Variants in HERC1 observed in about 807,000 individuals in gnomAD.
HERC1 encodes the protein HECT and RLD domain containing E3 ubiquitin protein ligase family member 1.
HERC1 carries 160 observed loss-of-function variants against 554.3 expected under a neutral mutation model. The observed-to-expected ratio is 0.29, with a 90% confidence interval of 0.25 to 0.33. The LOEUF is 0.33. HERC1 is among the 10% of genes least tolerant of loss of function. The probability of loss-of-function intolerance (pLI) is 1.00; values close to 1 mark genes in which losing one functional copy is unlikely to be tolerated. For synonymous variants in HERC1, 2,175 were observed against 2,131.7 expected (o/e 1.02, Z -0.56); for missense variants, 4,919 against 5,918.5 (o/e 0.83, Z 5.54).
At position 63,662,003 on chromosome 15, in the gene HERC1, C is replaced by G. The variant is rs1286639413; in HGVS notation, c.8920G>C (p.Asp2974His). The change falls in exon 45 of 78, where the codon GAC becomes CAC. Residue 2974 changes from aspartate to histidine, a missense_variant. Asp to His is a moderately conservative substitution (Grantham distance 81). Around this residue, in one of 11 missense-constraint regions of HERC1, gnomAD observed 1,963 missense variants for 2,228.6 expected, o/e 0.88. Transcript: ENST00000443617. The part of the protein sequence containing the change: ...WPTWHVCESE[D>H]REEVVVCELC... Reference sequence around the variant, plus strand: ...TCACACACCACCACTTCTTCCCTGTCTTCAGACTCACAAACATGCTGCACA... The same window carrying G: ...TCACACACCACCACTTCTTCCCTGTGTTCAGACTCACAAACATGCTGCACA... 6.2e-7 allele frequency: 1 copy of G among 1,612,592 alleles called. No homozygotes were observed.
Position 63,753,070 on chromosome 15 carries a change from C to G in HERC1, c.1790G>C (p.Gly597Ala), listed in dbSNP as rs1385219278. Residue 597 changes from glycine to alanine, a missense_variant, in exon 8 of 78, where the codon GGT (glycine) becomes GCT (alanine). By Grantham distance (60) the Gly-to-Ala change is moderately conservative. Transcript: ENST00000443617. The stretch of plus-strand genomic sequence containing the variant: ...AGGTTTATACACTCTGTTGGTATCA[C>G]CATGACCAAGTTTACCTATAAAAAC... ...GGGDNGKLGH[G>A]DTNRVYKPKV... is the part of the protein sequence containing the mutation. The G allele has an allele frequency of 1.9e-6, 3 of 1,599,112 alleles. No individual in the cohort carries two copies. Among genetic ancestry groups the G allele is most frequent in the Non-Finnish European group, 1.7e-6 (2 of 1,172,854 alleles).
intron 1 of HERC1, among the ~76,000 whole-genome samples, chr15:63,803,590 A>C (rs911985235): frequency 2.9e-4 from 44 of 152,180 alleles, no homozygotes; most frequent in Admixed American, 2.4e-3. Context: ...GCCCAGCCCC[A>C]TACTAACTTT....
In HERC1 at chr15:63,652,522, C is replaced by A; in HGVS notation, c.10310G>T (p.Cys3437Phe). The change falls in exon 52 of 78, where the codon TGT becomes TTT. Residue 3437 changes from cysteine to phenylalanine, a missense_variant. This residue lies in a region of HERC1 where 1,963 missense variants were observed against 2,228.6 expected (regional missense o/e 0.88). Coordinates refer to ENST00000443617, the MANE Select transcript of HERC1 (RefSeq NM_003922.4). ...TGTAGCCAAAAGACCTTTTTTATTA[C>A]ACCAAACACATGTCATTACCTAGAA... ...HQNRVMTCVWCNKKGLLATSG... is the reference protein window; with the variant it reads ...HQNRVMTCVWFNKKGLLATSG... The A allele has an allele frequency of 6.3e-7, 1 of 1,597,232 alleles. No individual in the cohort carries two copies. The highest frequency in any genetic ancestry group is 8.5e-7 in the Non-Finnish European group (1 of 1,170,356).
intron 1 of HERC1, among the ~76,000 whole-genome samples, chr15:63,824,487 T>C (rs576476729): frequency 6.8e-6 from 1 of 146,442 alleles, no homozygotes; most frequent in Non-Finnish European, 1.5e-5. Context: ...TGAGCTGAGA[T>C]CATGCCACTG....
intron 12 of HERC1, among the ~76,000 whole-genome samples, chr15:63,739,831 C>G (rs894827185): frequency 2.0e-5 from 3 of 152,124 alleles, no homozygotes; most frequent in Non-Finnish European, 2.9e-5. Flanking sequence ...GAGCAAGACT[C>G]TGTCAAACAA....
At chr15:63,821,809 C>T (rs1457583298) in intron 1 of HERC1, among the ~76,000 whole-genome samples, 6 of 151,738 alleles carry the variant, frequency 4.0e-5, no homozygotes, top group Admixed American at 1.3e-4. Flanking sequence ...GAGTTGTACT[C>T]CTAGTTTACC....
intron 70 of HERC1, among the ~76,000 whole-genome samples, chr15:63,627,365 C>T (rs960101625): frequency 6.6e-6 from 1 of 152,086 alleles, no homozygotes; most frequent in Non-Finnish European, 1.5e-5. Flanking sequence ...GGTAGAAAGA[C>T]AAGGCTTGAG....
In HERC1 at chr15:63,663,028, T is replaced by C. The variant is rs766207602; in HGVS notation, c.8857A>G (p.Ile2953Val). The C allele has an allele frequency of 6.8e-6, 11 of 1,613,900 alleles. No individual in the cohort carries two copies. Among genetic ancestry groups the C allele is most frequent in the African/African-American group, 1.3e-5 (1 of 74,918 alleles). ...FGQDLTSDND[I>V]LGMWIPEVLD... ...ACCTCTGGGATCCACATTCCCAGAA[T>C]ATCATTGTCACTGGTCAGGTCTTGT... is the stretch of plus-strand genomic sequence containing the variant. Residue 2953 changes from isoleucine (I) to valine (V), a missense_variant, in exon 44 of 78, where the codon ATT becomes GTT. Transcript: ENST00000443617.
Position 63,638,402 on chromosome 15 carries a change from G to C in HERC1, c.12093+9C>G, listed in dbSNP as rs771955359. ...ATGTTTCTTTTCTATTTTTTATCCT[G>C]TTAGTTACCTGTTGGGCCTGTGAGA... On this transcript the variant is annotated intron_variant, in intron 63 of 77. Transcript: ENST00000443617. 3 of 1,610,270 alleles carry C rather than the reference G, an allele frequency of 1.9e-6. No homozygotes were observed. The highest frequency in any genetic ancestry group is 1.1e-5 in the South Asian group (1 of 90,480).
At position 63,718,561 on chromosome 15, in the gene HERC1, T is replaced by C; in HGVS notation, c.3978+13A>G. 1 of 1,541,958 alleles carries C rather than the reference T, an allele frequency of 6.5e-7. No individual in the cohort carries two copies. Among genetic ancestry groups the C allele is most frequent in the Non-Finnish European group, 8.8e-7 (1 of 1,138,610 alleles). On this transcript the variant is annotated intron_variant, in intron 21 of 77. Transcript: ENST00000443617. The surrounding 1 kb of genome is among the most constrained non-coding windows in gnomAD (Gnocchi z 4.2). ...GCAGAAAAACATAGAAATTAATTGA[T>C]TTCAAACTTTACCCATCTGTCCCGT...
At chr15:63,706,266 T>C (rs1829311087) in intron 25 of HERC1, among the ~76,000 whole-genome samples, 2 of 150,070 alleles carry the variant, frequency 1.3e-5, no homozygotes, top group Admixed American at 1.3e-4. Context: ...AGATATAATA[T>C]CTCTTCATGT....
In HERC1 at chr15:63,675,132, A is replaced by G; in HGVS notation, c.7071-15T>C. The stretch of plus-strand genomic sequence containing the variant: ...AAGTTGGGAAGCTTTAATAAAGATC[A>G]GAATGACACAGGAAGAAGCAAGTGA... On this transcript the variant is annotated splice_polypyrimidine_tract_variant and intron_variant, in intron 37 of 77. Transcript: ENST00000443617. The G allele has an allele frequency of 6.4e-7, 1 of 1,562,598 alleles. No individual in the cohort carries two copies. The highest frequency in any genetic ancestry group is 8.7e-7 in the Non-Finnish European group (1 of 1,155,184).
chr15:63,703,747 T>C (rs1429861827), intron 25 of HERC1, among the ~76,000 whole-genome samples: 2 of 151,486 alleles, frequency 1.3e-5, no homozygotes, highest in Non-Finnish European at 2.9e-5. Flanking sequence ...ATAAAATAAA[T>C]AAATAAAATT....
In HERC1 at chr15:63,644,995, G is replaced by C. The variant is rs1209413375; in HGVS notation, c.11181C>G (p.Cys3727Trp). 1.2e-6 allele frequency: 2 copies of C among 1,601,072 alleles called. No individual in the cohort carries two copies. Among genetic ancestry groups the C allele is most frequent in the Non-Finnish European group, 1.7e-6 (2 of 1,168,122 alleles). Residue 3727 changes from cysteine (C) to tryptophan (W), a missense_variant, in exon 57 of 78, where the codon TGC (cysteine) becomes TGG (tryptophan). Cys to Trp is a radical substitution (Grantham distance 215, BLOSUM62 -2). Transcript: ENST00000443617. ...AEGWWEQESN[C>W]QDGYRKSSGA... ...TTCAAAAACACCAGAATGTTACCTG[G>C]CAATTTGATTCCTGCTCCCACCATC...
intron 60 of HERC1, among the ~76,000 whole-genome samples, chr15:63,641,113 C>T (rs1044383856): frequency 4.6e-5 from 7 of 152,148 alleles, no homozygotes; most frequent in African/African-American, 1.7e-4. Flanking sequence ...CATCCCTATC[C>T]CTCAACTTTG....
chr15:63,652,511 C>G lies in HERC1; in HGVS notation c.10321G>C (p.Gly3441Arg), dbSNP rs1566975137. ...TCATTGCCACTTGTAGCCAAAAGAC[C>G]TTTTTTATTACACCAAACACATGTC... ...VMTCVWCNKKGLLATSGNDGT... is the reference protein window; with the variant it reads ...VMTCVWCNKKRLLATSGNDGT... Residue 3441 changes from glycine to arginine, a missense_variant, in exon 52 of 78, where the codon GGT (glycine) becomes CGT (arginine). Around this residue, in one of 11 missense-constraint regions of HERC1, gnomAD observed 1,963 missense variants for 2,228.6 expected, o/e 0.88. Coordinates refer to ENST00000443617, the MANE Select transcript of HERC1 (RefSeq NM_003922.4). 1.2e-6 allele frequency: 2 copies of G among 1,602,454 alleles called. No homozygotes were observed. The highest frequency in any genetic ancestry group is 1.7e-6 in the Non-Finnish European group (2 of 1,173,460).
chr15:63,686,512 T>A lies in HERC1; in HGVS notation c.6072A>T (p.Glu2024Asp), dbSNP rs1184723972. The change falls in exon 34 of 78, where the codon GAA (glutamate) becomes GAT (aspartate). Residue 2024 changes from glutamate to aspartate, a missense_variant. Physicochemically the swap from Glu to Asp is conservative, Grantham distance 45. This residue lies in a region of HERC1 where 1,121 missense variants were observed against 1,244.0 expected (regional missense o/e 0.90). Coordinates refer to ENST00000443617, the MANE Select transcript of HERC1 (RefSeq NM_003922.4). ...CTTCTTGGATAGGAAGATTCTCATC[T>A]TCTTCTTCCAACTCGCCCTGCTTCT... ...KLQKQGELEE[E>D]DENLPIQEVS... is the part of the protein sequence containing the mutation. 2.5e-6 allele frequency: 4 copies of A among 1,612,996 alleles called. No homozygotes were observed. The highest frequency in any genetic ancestry group is 2.7e-5 in the African/African-American group (2 of 74,898).
chr15:63,671,084 T>A (rs968520068), intron 39 of HERC1, among the ~76,000 whole-genome samples: 1 of 150,806 alleles, frequency 6.6e-6, no homozygotes, highest in Non-Finnish European at 1.5e-5. Flanking sequence ...ATGCCTGTAA[T>A]CCCAACTACT....
rs937733829 is a variant in HERC1, at chr15:63,677,130, T to C, written c.7070+715A>G. Among the ~76,000 whole-genome samples, 4 of 152,208 alleles carry C rather than the reference T, an allele frequency of 2.6e-5. No individual in the cohort carries two copies. Among genetic ancestry groups the C allele is most frequent in the African/African-American group, 9.6e-5 (4 of 41,460 alleles). On this transcript the variant is annotated intron_variant, in intron 37 of 77. Coordinates refer to ENST00000443617, the MANE Select transcript of HERC1 (RefSeq NM_003922.4). The surrounding 1 kb of genome is among the most constrained non-coding windows in gnomAD (Gnocchi z 4.4). Reference sequence around the variant, plus strand: ...CCTTTGAGTGAAAACCTGAAACTTTTTGAGCACCAACATGATGCTCAATGG... The same window carrying C: ...CCTTTGAGTGAAAACCTGAAACTTTCTGAGCACCAACATGATGCTCAATGG...
Sources: gnomAD v4.1 joint callset for allele counts (sites outside exome capture counted in the v4.1 genomes callset) on GRCh38, gnomAD v4.1.1 for gene constraint, gnomAD v4.1.1 regional missense constraint, Gnocchi (gnomAD v3.1) non-coding constraint, MANE v1.5 for transcripts, NCBI Gene and HGNC (gene_info 2026-07-23, HGNC 2026-07-21) for gene names.